The following RANBP9 variants were observed in gnomAD, a reference collection of about 807,000 sequenced individuals.
RANBP9 encodes RAN binding protein 9, also known as ran-binding protein 9.
Under a neutral mutation model 84.3 loss-of-function variants are expected in RANBP9, and 15 were observed. The ratio of observed to expected loss-of-function variants is 0.18; its 90% CI spans 0.12 to 0.27. The LOEUF is 0.27. Among genes scored for constraint, RANBP9 ranks in the 10% least tolerant of loss-of-function variants. The pLI, the probability that RANBP9 is intolerant of heterozygous loss-of-function variation, is 1.00. For missense variants in RANBP9, 809 were observed against 912.8 expected (o/e 0.89, Z 1.46); for synonymous variants, 392 against 349.6 (o/e 1.12, Z -1.35).
chr6:13,624,884 A>G (rs1764558044), intron 13 of RANBP9, among the ~76,000 whole-genome samples: 1 of 152,206 alleles, frequency 6.6e-6, no homozygotes, highest in Non-Finnish European at 1.5e-5. Context: ...GGTACTCACA[A>G]GTCATCAGGA....
rs201495672 is a variant in RANBP9 at position 13,698,597 on chromosome 6, A to G, written c.572-1701T>C. On this transcript the variant is annotated intron_variant, in intron 1 of 13. Transcript: ENST00000011619. ...ACTGATTTTTTAAGGGGAGTGACCC[A>G]AACTTTTAGTGATAAAGTAATCCCA... 2.0e-5 allele frequency among the ~76,000 whole-genome samples: 3 copies of G among 152,362 alleles called. No homozygotes were observed. In the East Asian group the frequency reaches 5.8e-4, roughly 29 times the overall value.
intron 8 of RANBP9, 53 bp downstream of exon 8, chr6:13,641,144 CTT>C (rs1387062299): frequency 2.7e-6 from 3 of 1,120,842 alleles, no homozygotes; most frequent in African/African-American, 3.3e-5. Context: ...TATTACATAA[CTT>C]GACAAATATT....
In RANBP9 at chr6:13,625,586, T is replaced by C. The variant is rs1397812567; in HGVS notation, c.2059+67A>G. On this transcript the variant is annotated intron_variant, in intron 13 of 13. Coordinates refer to ENST00000011619, the MANE Select transcript of RANBP9 (RefSeq NM_005493.3). Reference sequence around the variant, plus strand: ...GATTTTACCAAAGTGTAAATGCCAGTACAAACACCCTCTCTTAAATTTTCA... The same window carrying C: ...GATTTTACCAAAGTGTAAATGCCAGCACAAACACCCTCTCTTAAATTTTCA... 7 of 1,163,552 alleles carry C rather than the reference T, an allele frequency of 6.0e-6. No homozygotes were observed. The Admixed American group carries it at 1.0e-4, about 17-fold the overall frequency. The allele number at this position is 1,163,552 out of a possible 1,614,324, so 72.1% of individuals were successfully genotyped here. A position where few individuals can be genotyped will look rare whatever the true frequency, so the allele number is the denominator to read the frequency against.
rs149869439 is a variant in RANBP9, at chr6:13,652,331, A to T, written c.927+328T>A. On this transcript the variant is annotated intron_variant, in intron 5 of 13. Coordinates refer to ENST00000011619, the MANE Select transcript of RANBP9 (RefSeq NM_005493.3). ...AGTAGGCCTCTATATAGCTTGGATGAATAAACGATTATAACTGCTATACAG... is the reference window on the plus strand; with the variant it reads ...AGTAGGCCTCTATATAGCTTGGATGTATAAACGATTATAACTGCTATACAG... 1.3e-3 allele frequency among the ~76,000 whole-genome samples: 196 copies of T among 152,350 alleles called. 2 individuals are homozygous for T. Among genetic ancestry groups the T allele is most frequent in the African/African-American group, 4.6e-3 (191 of 41,584 alleles).
chr6:13,634,724 G>A (rs570101774), intron 10 of RANBP9, among the ~76,000 whole-genome samples, 172 bp from the exon 11 acceptor site: 5 of 152,262 alleles, frequency 3.3e-5, no homozygotes, highest in South Asian at 2.1e-4. Context: ...CAAACATGTC[G>A]CTGACTTTTA....
At chr6:13,625,499 G>A (rs1305795660) in intron 13 of RANBP9, among the ~76,000 whole-genome samples, 154 bp downstream of exon 13, 1 of 152,132 alleles carries the variant, frequency 6.6e-6, no homozygotes, top group Non-Finnish European at 1.5e-5. Context: ...GGAATTAAAG[G>A]AGGGGGTTTC....
chr6:13,644,407 G>C (rs923653197), intron 6 of RANBP9, 138 bp downstream of exon 6: 2 of 796,188 alleles, frequency 2.5e-6, no homozygotes, highest in Non-Finnish European at 3.7e-6. Context: ...TTTTCGTTGA[G>C]AGATTAAAAT....
intron 7 of RANBP9, among the ~76,000 whole-genome samples, chr6:13,641,738 A>C (rs1765068961): frequency 6.6e-6 from 1 of 152,208 alleles, no homozygotes. Flanking sequence ...TTATATGTTA[A>C]ATTAGATGAT....
chr6:13,622,543 A>G, intron 13 of RANBP9, 51 bp from the exon 14 acceptor site: 2 of 1,496,170 alleles, frequency 1.3e-6, no homozygotes, highest in Non-Finnish European at 1.8e-6. Context: ...AGACATTTTA[A>G]AAAACATTTC....
chr6:13,647,320 CATA>C (rs1245757316), intron 5 of RANBP9, among the ~76,000 whole-genome samples: 2 of 152,024 alleles, frequency 1.3e-5, no homozygotes, highest in African/African-American at 4.8e-5. Context: ...TCTAGGAAAA[CATA>C]ATGCAAATTA....
chr6:13,704,797 T>C (rs1387536009), intron 1 of RANBP9, among the ~76,000 whole-genome samples: 3 of 152,162 alleles, frequency 2.0e-5, no homozygotes, highest in Non-Finnish European at 4.4e-5. Context: ...CTTTCTCCTA[T>C]ATCCTACTCA....
At position 13,656,458 on chromosome 6, in the gene RANBP9, G is replaced by C. The variant is rs148423159; in HGVS notation, c.904+651C>G. Reference sequence around the variant, plus strand: ...AATGACCACATATAACTTTAAATTTGAAGTGCTATGAGTACATGAATAGTC... The same window carrying C: ...AATGACCACATATAACTTTAAATTTCAAGTGCTATGAGTACATGAATAGTC... On this transcript the variant is annotated intron_variant, in intron 4 of 13. Coordinates refer to ENST00000011619, the MANE Select transcript of RANBP9 (RefSeq NM_005493.3). 7.9e-3 allele frequency among the ~76,000 whole-genome samples: 1,202 copies of C among 151,662 alleles called. 13 individuals are homozygous for C. The highest frequency in any genetic ancestry group is 0.027 in the African/African-American group (1,122 of 41,382).
chr6:13,634,683 T>C, intron 10 of RANBP9, 131 bp from the exon 11 acceptor site: 1 of 915,822 alleles, frequency 1.1e-6, no homozygotes, highest in Non-Finnish European at 1.5e-6. Context: ...GCAAAAAAGG[T>C]ATTTAGTTAA....
intron 2 of RANBP9, among the ~76,000 whole-genome samples, chr6:13,661,127 C>G (rs1019708018): frequency 6.6e-6 from 1 of 152,204 alleles, no homozygotes; most frequent in Non-Finnish European, 1.5e-5. Context: ...TAAGAATATA[C>G]TGATATCCCC....
At chr6:13,630,361 T>A (rs966606513) in intron 12 of RANBP9, among the ~76,000 whole-genome samples, 1 of 152,330 alleles carries the variant, frequency 6.6e-6, no homozygotes, top group Non-Finnish European at 1.5e-5. Flanking sequence ...TATAATGCCA[T>A]CTTCTGAGCT....
chr6:13,663,438 A>G (rs889774303), intron 2 of RANBP9, among the ~76,000 whole-genome samples: 5 of 152,194 alleles, frequency 3.3e-5, no homozygotes, highest in African/African-American at 9.6e-5. Context: ...TAATTTTCCT[A>G]AAACACGACT....
intron 2 of RANBP9, among the ~76,000 whole-genome samples, chr6:13,659,322 A>C (rs1765489320): frequency 6.6e-6 from 1 of 151,778 alleles, no homozygotes; most frequent in Admixed American, 6.6e-5. Context: ...ATTTGGAAAA[A>C]ATTTCAAACT....
Position 13,637,816 on chromosome 6 carries a change from G to C in RANBP9, c.1665C>G (p.Asn555Lys), listed in dbSNP as rs1361513321. Residue 555 changes from asparagine (N) to lysine (K), a missense_variant, in exon 10 of 14, where the codon AAC becomes AAG. Asn to Lys is a moderately conservative substitution (Grantham distance 94). Transcript: ENST00000011619. Reference protein sequence around the residue: ...INMSRSQQVNNFTSNDVDMET... With the variant: ...INMSRSQQVNKFTSNDVDMET... ...TCAGTGAAATTACTTACCTGGTGAA[G>C]TTATTAACTTGCTGTGATCTTGACA... The C allele has an allele frequency of 6.3e-7, 1 of 1,592,152 alleles. No individual in the cohort carries two copies. Among genetic ancestry groups the C allele is most frequent in the South Asian group, 1.2e-5 (1 of 86,724 alleles).
intron 2 of RANBP9, among the ~76,000 whole-genome samples, chr6:13,685,790 T>TACA (rs1562318078): frequency 1.3e-5 from 2 of 151,680 alleles, no homozygotes; most frequent in South Asian, 4.2e-4. Context: ...TAGCTGGGCG[T>TACA]GGTGGTGTGC....
Sources: gnomAD v4.1 joint callset for allele counts (sites outside exome capture counted in the v4.1 genomes callset) on GRCh38, gnomAD v4.1.1 for gene constraint, MANE v1.5 for transcripts, NCBI Gene and HGNC (gene_info 2026-07-23, HGNC 2026-07-21) for gene names.